The following MLLT3 variants were observed in gnomAD, a reference collection of about 807,000 sequenced individuals.
MLLT3 encodes the protein MLLT3 super elongation complex subunit, also known as protein AF-9.
MLLT3 carries 4 observed loss-of-function variants against 53.2 expected under a neutral mutation model. That is an observed-to-expected ratio of 0.08 (90% CI 0.04 to 0.17). The LOEUF is 0.17. Among genes scored for constraint, MLLT3 ranks in the 10% least tolerant of loss-of-function variants. The pLI is 1.00. For missense variants in MLLT3, 569 were observed against 684.0 expected, an observed-to-expected ratio of 0.83 and a Z score of 1.87; for synonymous variants, 283 against 230.6, an observed-to-expected ratio of 1.23 and a Z score of -2.06.
intron 2 of MLLT3, among the ~76,000 whole-genome samples, chr9:20,496,144 C>T (rs1429368119): frequency 6.6e-6 from 1 of 152,196 alleles, no homozygotes; most frequent in Non-Finnish European, 1.5e-5. Context: ...CAAAAGTGCT[C>T]TGGGAATAAC....
At chr9:20,582,183 G>C (rs957000857) in intron 2 of MLLT3, among the ~76,000 whole-genome samples, 1 of 152,024 alleles carries the variant, frequency 6.6e-6, no homozygotes, top group Non-Finnish European at 1.5e-5. Flanking sequence ...TTAACATCTT[G>C]CATTGGGGTG....
Position 20,411,548 on chromosome 9 carries a change from C to T in MLLT3, c.1125+2173G>A, listed in dbSNP as rs1822728448. Among the ~76,000 whole-genome samples the T allele has an allele frequency of 2.0e-5, 3 of 152,156 alleles. No individual in the cohort carries two copies. The South Asian group carries it at 6.2e-4, about 32-fold the overall frequency. On this transcript the variant is annotated intron_variant, in intron 5 of 10. Transcript: ENST00000380338. ...ACCTGAAAGTCTTTACAGGCTTTCT[C>T]AGCAATGCTATGCAGAGTACATTAC...
chr9:20,575,059 A>G (rs573723970), intron 2 of MLLT3, among the ~76,000 whole-genome samples: 1 of 152,362 alleles, frequency 6.6e-6, no homozygotes, highest in Non-Finnish European at 1.5e-5. Flanking sequence ...ATGAGATTGC[A>G]GCAATTCAGT....
At chr9:20,399,189 C>T (rs1822394921) in intron 5 of MLLT3, among the ~76,000 whole-genome samples, 1 of 152,226 alleles carries the variant, frequency 6.6e-6, no homozygotes, top group South Asian at 2.1e-4. Flanking sequence ...TGTGACCTGT[C>T]TAGTCCACCT....
At chr9:20,494,130 T>C (rs1825018714) in intron 2 of MLLT3, among the ~76,000 whole-genome samples, 1 of 152,148 alleles carries the variant, frequency 6.6e-6, no homozygotes, top group African/African-American at 2.4e-5. Flanking sequence ...AATATCTTTG[T>C]CAAAAATATA....
chr9:20,621,672 C>T lies in MLLT3; in HGVS notation c.12+573G>A, dbSNP rs1263679583. 6 of 1,207,238 alleles carry T rather than the reference C, an allele frequency of 5.0e-6. No homozygotes were observed. Among genetic ancestry groups the T allele is most frequent in the Non-Finnish European group, 6.7e-6 (6 of 899,310 alleles). The allele number at this position is 1,207,238 out of a possible 1,614,324, so 74.8% of individuals were successfully genotyped here. ...GGCGGACAGCCGCCGAGCCTCGGCT[C>T]GCGCTCAGCACCTCCCGGCGCTGGG... On this transcript the variant is annotated intron_variant, in intron 1 of 10. Transcript: ENST00000380338. The surrounding 1 kb of genome is among the most constrained non-coding windows in gnomAD (Gnocchi z 7.0).
At chr9:20,379,214 T>A (rs1404128490) in intron 5 of MLLT3, among the ~76,000 whole-genome samples, 1 of 152,090 alleles carries the variant, frequency 6.6e-6, no homozygotes, top group Non-Finnish European at 1.5e-5. Context: ...TTGAAATGAA[T>A]GACACCTCTA....
At chr9:20,584,379 C>T (rs925980372) in intron 2 of MLLT3, among the ~76,000 whole-genome samples, 13 of 152,194 alleles carry the variant, frequency 8.5e-5, no homozygotes, top group African/African-American at 3.1e-4. Flanking sequence ...CTGCCTGTTC[C>T]AAAATCACTT....
intron 4 of MLLT3, among the ~76,000 whole-genome samples, chr9:20,445,803 T>C (rs1044275867): frequency 6.6e-6 from 1 of 152,124 alleles, no homozygotes; most frequent in African/African-American, 2.4e-5. Context: ...CACATAATTT[T>C]TAAGTATGAG....
chr9:20,417,852 GA>G (rs1013180687), intron 4 of MLLT3, among the ~76,000 whole-genome samples: 76 of 152,280 alleles, frequency 5.0e-4, no homozygotes, highest in African/African-American at 1.8e-3. Flanking sequence ...CTACTGGCCA[GA>G]ATAAGGTTTT....
chr9:20,622,107 G>A lies in MLLT3; in HGVS notation c.12+138C>T. 3 of 997,012 alleles carry A rather than the reference G, an allele frequency of 3.0e-6. No homozygotes were observed. The Admixed American group carries it at 8.2e-5, about 27-fold the overall frequency. The allele number at this position is 997,012 out of a possible 1,614,324, so 61.8% of individuals were successfully genotyped here. On this transcript the variant is annotated intron_variant, in intron 1 of 10. Transcript: ENST00000380338. ...GGAGGGGAGCGGAGGCTGAGGGAGA[G>A]GCGGCAGCTCCCTGCAAGCCGTACC...
At chr9:20,457,220 A>G (rs965850435) in intron 2 of MLLT3, among the ~76,000 whole-genome samples, 9 of 136,600 alleles carry the variant, frequency 6.6e-5, no homozygotes, top group Admixed American at 5.3e-4. Flanking sequence ...CTTGTCTGAG[A>G]TGTCCTGACA....
rs768596311 is a variant in MLLT3 at position 20,620,828 on chromosome 9, C to G, written c.19G>C (p.Val7Leu). The change falls in exon 2 of 11, where the codon GTG becomes CTG. Residue 7 changes from valine to leucine, a missense_variant. Coordinates refer to ENST00000380338, the MANE Select transcript of MLLT3 (RefSeq NM_004529.4). This position sits in a 1 kb window ranked among gnomAD's most constrained non-coding sequence, Gnocchi z 6.1. ...TGCCCCAGCTCCAGCTTCACCTGCA[C>G]GGCACACTGCGGGCAGGGGGAGGAG... MASSCA[V>L]QVKLELGHRA... The G allele has an allele frequency of 1.2e-6, 2 of 1,613,966 alleles. No individual in the cohort carries two copies. The highest frequency in any genetic ancestry group is 8.5e-7 in the Non-Finnish European group (1 of 1,179,974).
chr9:20,358,872 A>G (rs529068541), intron 8 of MLLT3, among the ~76,000 whole-genome samples: 78 of 152,210 alleles, frequency 5.1e-4, no homozygotes, highest in African/African-American at 1.9e-3. Flanking sequence ...TAAAAATATC[A>G]TCGGCTGGGA....
intron 2 of MLLT3, among the ~76,000 whole-genome samples, chr9:20,563,206 A>T (rs1819260920): frequency 1.3e-5 from 2 of 152,142 alleles, no homozygotes; most frequent in African/African-American, 4.8e-5. Context: ...TATGGATTAC[A>T]AGCACAGTCC....
intron 5 of MLLT3, among the ~76,000 whole-genome samples, chr9:20,389,451 G>C (rs941442239): frequency 6.6e-6 from 1 of 152,094 alleles, no homozygotes; most frequent in Non-Finnish European, 1.5e-5. Context: ...ATGTATTGTG[G>C]GGATAGCTGC....
At chr9:20,400,569 T>C (rs1269901556) in intron 5 of MLLT3, among the ~76,000 whole-genome samples, 1 of 152,118 alleles carries the variant, frequency 6.6e-6, no homozygotes, top group Non-Finnish European at 1.5e-5. Context: ...TAATGTATCT[T>C]GGATCTTATT....
At chr9:20,496,689 A>G (rs1403261373) in intron 2 of MLLT3, among the ~76,000 whole-genome samples, 2 of 152,216 alleles carry the variant, frequency 1.3e-5, no homozygotes, top group East Asian at 3.8e-4. Context: ...GTTAAAGTTG[A>G]CATGGAACCA....
At chr9:20,428,551 T>C (rs531896313) in intron 4 of MLLT3, among the ~76,000 whole-genome samples, 1 of 152,196 alleles carries the variant, frequency 6.6e-6, no homozygotes, top group Non-Finnish European at 1.5e-5. Context: ...TTTGTGGAAT[T>C]AAAATAGGAC....
Sources: allele counts gnomAD v4.1 joint callset (sites outside exome capture counted in the v4.1 genomes callset), GRCh38; gene constraint gnomAD v4.1.1; non-coding constraint Gnocchi (gnomAD v3.1); transcripts MANE v1.5; gene names NCBI Gene and HGNC (gene_info 2026-07-23, HGNC 2026-07-21).